NACC2: variants seen among roughly 807,000 people sequenced by gnomAD.
NACC2 encodes nucleus accumbens-associated protein 2.
A neutral mutation model predicts 25.1 loss-of-function variants in NACC2; 8 were observed. The observed-to-expected ratio is 0.32, with a 90% CI of 0.19 to 0.57. The LOEUF is 0.57. Ranked by LOEUF, NACC2 falls within the 20% of genes least tolerant of loss-of-function variation. NACC2 has a pLI of 0.89. For missense variants in NACC2, 644 were observed against 650.2 expected, an observed-to-expected ratio of 0.99 and a Z score of 0.10; for synonymous variants, 435 against 294.7, an observed-to-expected ratio of 1.48 and a Z score of -4.88.
At chr9:136,089,480 C>T (rs968108756) in intron 1 of NACC2, among the ~76,000 whole-genome samples, 6 of 152,006 alleles carry the variant, frequency 3.9e-5, no homozygotes, top group South Asian at 2.1e-4. Flanking sequence ...CTCCATGTCA[C>T]CCCCCACAAC....
chr9:136,043,272 T>C (rs1196548994), intron 2 of NACC2, among the ~76,000 whole-genome samples: 5 of 152,256 alleles, frequency 3.3e-5, no homozygotes, highest in Non-Finnish European at 7.3e-5. Context: ...TAAAATCTAA[T>C]TTTTAAAAAA....
At chr9:136,089,355 C>T (rs111966498) in intron 1 of NACC2, among the ~76,000 whole-genome samples, 3,619 of 152,168 alleles carry the variant, frequency 0.024, 139 homozygotes, top group African/African-American at 0.082. Context: ...CCCCTCCCCA[C>T]AGCCACCCCC....
chr9:136,062,270 G>T (rs534763881), intron 1 of NACC2, among the ~76,000 whole-genome samples: 29 of 152,088 alleles, frequency 1.9e-4, no homozygotes, highest in Middle Eastern at 3.4e-3. Flanking sequence ...CAACGCCAAG[G>T]GACCACCCAG....
At chr9:136,081,422 C>T (rs1449724673) in intron 1 of NACC2, among the ~76,000 whole-genome samples, 1 of 152,228 alleles carries the variant, frequency 6.6e-6, no homozygotes, top group African/African-American at 2.4e-5. Flanking sequence ...ACGCGTCCTC[C>T]CAGCTGGGAA....
In NACC2 at chr9:136,050,210, G is replaced by A. The variant is rs1468154778; in HGVS notation, c.312C>T (p.Ala104=). ...ASEQLVVMYT[A]GFLQIQHIVE... is the part of the protein sequence containing the mutation. ...CGATGTGCTGGATCTGCAGGAAGCC[G>A]GCCGTGTACATGACCACGAGCTGCT... is the stretch of plus-strand genomic sequence containing the variant. The change falls in exon 2 of 6, where the codon GCC becomes GCT. Residue 104 remains alanine (A), a synonymous_variant. Transcript: ENST00000277554. 18 of 772,172 alleles carry A rather than the reference G, an allele frequency of 2.3e-5. No individual in the cohort carries two copies. The highest frequency in any genetic ancestry group is 2.5e-4 in the Middle Eastern group (1 of 3,980). 47.8% of individuals were successfully genotyped at this position (772,172 alleles called of 1,614,324 possible). A position where few individuals can be genotyped will look rare whatever the true frequency, so the allele number is the denominator to read the frequency against.
intron 1 of NACC2, among the ~76,000 whole-genome samples, chr9:136,066,852 T>C (rs187255201): frequency 2.1e-3 from 317 of 151,908 alleles, no homozygotes; most frequent in African/African-American, 7.4e-3. Context: ...AGCGAAACAT[T>C]ACGCTAAGTG....
At chr9:136,083,818 G>A (rs1017359563) in intron 1 of NACC2, among the ~76,000 whole-genome samples, 12 of 152,162 alleles carry the variant, frequency 7.9e-5, no homozygotes, top group African/African-American at 2.4e-4. Flanking sequence ...CATTCATCTC[G>A]ACCGCTGCTG....
At chr9:136,067,569 G>C (rs774420984) in intron 1 of NACC2, among the ~76,000 whole-genome samples, 2 of 152,308 alleles carry the variant, frequency 1.3e-5, no homozygotes, top group Non-Finnish European at 2.9e-5. Flanking sequence ...CGGGCGCGGT[G>C]GCTCACGCCT....
intron 2 of NACC2, among the ~76,000 whole-genome samples, chr9:136,021,608 G>T (rs1332113420): frequency 1.3e-5 from 2 of 152,178 alleles, no homozygotes; most frequent in Non-Finnish European, 2.9e-5. Context: ...CTAGGTATTT[G>T]CCCAAGAAAA....
chr9:136,066,528 T>C (rs1841083233), intron 1 of NACC2, among the ~76,000 whole-genome samples: 1 of 152,304 alleles, frequency 6.6e-6, no homozygotes, highest in East Asian at 1.9e-4. Context: ...TAAAGAGATG[T>C]AGCGATCGGG....
chr9:136,018,741 A>C lies in NACC2; in HGVS notation c.887-2312T>G, dbSNP rs898980476. ...CAGAGCATCGCAGGATAAGCCCAGA[A>C]TTACCCGAGTGCTCAGGGAACACAG... is the stretch of plus-strand genomic sequence containing the variant. On this transcript the variant is annotated intron_variant, in intron 2 of 5. Coordinates refer to ENST00000277554, the MANE Select transcript of NACC2 (RefSeq NM_144653.5). This position sits in a 1 kb window ranked among gnomAD's most constrained non-coding sequence, Gnocchi z 4.4. Among the ~76,000 whole-genome samples the C allele has an allele frequency of 1.3e-4, 19 of 152,000 alleles. No individual in the cohort carries two copies. The East Asian group carries it at 3.7e-3, about 29-fold the overall frequency.
At chr9:136,073,963 A>G (rs919852804) in intron 1 of NACC2, among the ~76,000 whole-genome samples, 1 of 152,146 alleles carries the variant, frequency 6.6e-6, no homozygotes, top group Non-Finnish European at 1.5e-5. Flanking sequence ...GAAGTAACCA[A>G]CAGGGATTTG....
Position 136,017,745 on chromosome 9 carries a change from T to C in NACC2, c.887-1316A>G, listed in dbSNP as rs577879219. On this transcript the variant is annotated intron_variant, in intron 2 of 5. Transcript: ENST00000277554. ...CGGAGCACCGCCTCCCTCATTCCTGTGTCCCAGCACAAAAGGCAAGGCCCT... is the reference window on the plus strand; with the variant it reads ...CGGAGCACCGCCTCCCTCATTCCTGCGTCCCAGCACAAAAGGCAAGGCCCT... Among the ~76,000 whole-genome samples, 5 of 152,292 alleles carry C rather than the reference T, an allele frequency of 3.3e-5. No individual in the cohort carries two copies. The South Asian group carries it at 1.0e-3, about 32-fold the overall frequency.
chr9:136,063,880 T>G (rs1320215265), intron 1 of NACC2, among the ~76,000 whole-genome samples: 1 of 111,028 alleles, frequency 9.0e-6, no homozygotes, highest in Non-Finnish European at 1.8e-5. Context: ...CGAGACTCCA[T>G]CTCAAAAAAA....
In NACC2 at chr9:136,011,782, G is replaced by T; in HGVS notation, c.1498C>A (p.Arg500=). Residue 500 remains arginine, a synonymous_variant, in exon 6 of 6, where the codon CGG becomes AGG. Coordinates refer to ENST00000277554, the MANE Select transcript of NACC2 (RefSeq NM_144653.5). ...GCCACGATGGTGGCGGCGTCGCCCC[G>T]CCGCTCGGCGTAGATGCGTTGCTCG... The part of the protein sequence containing the change: ...VFEQRIYAER[R]GDAATIVALR... 6.5e-7 allele frequency: 1 copy of T among 1,545,856 alleles called. No homozygotes were observed.
chr9:136,052,686 G>A (rs1428509407), intron 1 of NACC2, among the ~76,000 whole-genome samples: 5 of 152,178 alleles, frequency 3.3e-5, no homozygotes, highest in East Asian at 1.9e-4. Context: ...CTTTGTGGCC[G>A]GGCAACCAGG....
intron 1 of NACC2, among the ~76,000 whole-genome samples, chr9:136,081,458 G>A (rs994909623): frequency 6.6e-6 from 1 of 152,252 alleles, no homozygotes; most frequent in African/African-American, 2.4e-5. Flanking sequence ...TGCTCTCTGA[G>A]CGCGGGGTGC....
chr9:136,045,745 G>C (rs1456322421), intron 2 of NACC2, among the ~76,000 whole-genome samples: 2 of 152,122 alleles, frequency 1.3e-5, no homozygotes, highest in Admixed American at 6.5e-5. Flanking sequence ...CCCACTCAAT[G>C]AAATAACCGT....
chr9:136,054,493 A>G (rs1467873113), intron 1 of NACC2, among the ~76,000 whole-genome samples: 2 of 152,154 alleles, frequency 1.3e-5, no homozygotes, highest in Non-Finnish European at 2.9e-5. Context: ...AAAGAATAAA[A>G]TAAAGGCTTG....
Sources: gnomAD v4.1 joint callset for allele counts (sites outside exome capture counted in the v4.1 genomes callset) on GRCh38, gnomAD v4.1.1 for gene constraint, Gnocchi (gnomAD v3.1) non-coding constraint, MANE v1.5 for transcripts, NCBI Gene and HGNC (gene_info 2026-07-23, HGNC 2026-07-21) for gene names.